The following CLVS1 variants were observed in gnomAD, a reference collection of about 807,000 sequenced individuals.
The protein encoded by CLVS1 is clavesin 1.
A neutral mutation model predicts 33.1 loss-of-function variants in CLVS1; 10 were observed. That is an observed-to-expected ratio of 0.30 (90% confidence interval 0.19 to 0.51). The LOEUF (loss-of-function observed/expected upper bound fraction) is 0.51, where lower values mean the gene tolerates loss of function less well. Ranked by LOEUF, CLVS1 falls within the 20% of genes least tolerant of loss-of-function variation. CLVS1 has a pLI of 0.97. For missense variants in CLVS1, 343 were observed against 433.4 expected, an observed-to-expected ratio of 0.79 and a Z score of 1.85; for synonymous variants, 163 against 166.1, an observed-to-expected ratio of 0.98 and a Z score of 0.14.
At chr8:61,202,008 T>TG (rs1807742946) in intron 2 of CLVS1, among the ~76,000 whole-genome samples, 1 of 152,184 alleles carries the variant, frequency 6.6e-6, no homozygotes, top group Non-Finnish European at 1.5e-5. Flanking sequence ...TTGACCCGAT[T>TG]GGCTAGCAAC....
At chr8:61,321,859 G>A (rs1486647) in intron 2 of CLVS1, among the ~76,000 whole-genome samples, 75,870 of 151,982 alleles carry the variant, frequency 0.5, 19,455 homozygotes, top group East Asian at 0.82. Flanking sequence ...CTCTGCTGTC[G>A]TATTCTCAGT....
chr8:61,408,388 C>T (rs574248684), intron 3 of CLVS1, among the ~76,000 whole-genome samples: 38 of 152,212 alleles, frequency 2.5e-4, no homozygotes, highest in African/African-American at 7.7e-4. Flanking sequence ...AAAAGAGATT[C>T]GATTGAAAAG....
At chr8:61,163,877 C>T (rs764348566) in intron 2 of CLVS1, among the ~76,000 whole-genome samples, 7 of 152,230 alleles carry the variant, frequency 4.6e-5, no homozygotes, top group Middle Eastern at 3.4e-3. Flanking sequence ...TCTGCCATGG[C>T]GGCAAACAGC....
chr8:61,215,682 ATG>A (rs72193127), intron 2 of CLVS1, among the ~76,000 whole-genome samples: 2,155 of 143,732 alleles, frequency 0.015, 22 homozygotes, highest in Middle Eastern at 0.029. Context: ...GAAATTGAAA[ATG>A]TGTGTGTGTG....
the CLVS1 span, among the ~76,000 whole-genome samples, chr8:61,047,334 T>C: frequency 6.6e-6 from 1 of 152,150 alleles, no homozygotes; most frequent in Non-Finnish European, 1.5e-5. Flanking sequence ...TGTGGAGAAA[T>C]AGGAACAATT....
chr8:60,987,742 T>C, the CLVS1 span, among the ~76,000 whole-genome samples: 7 of 152,056 alleles, frequency 4.6e-5, no homozygotes, highest in Admixed American at 1.3e-4. Flanking sequence ...ATCATTATCA[T>C]GATAAGCATG....
At chr8:61,284,925 G>A (rs1013126961), upstream of CLVS1, among the ~76,000 whole-genome samples, 28 of 152,250 alleles carry the variant, frequency 1.8e-4, no homozygotes, top group Middle Eastern at 3.4e-3. Context: ...CATTATGAAA[G>A]ATATAGAAGT....
chr8:61,046,670 A>G, the CLVS1 span, among the ~76,000 whole-genome samples: 1 of 152,086 alleles, frequency 6.6e-6, no homozygotes, highest in Admixed American at 6.5e-5. Context: ...TTCATTGAGC[A>G]GTGGTCTGCA....
chr8:61,402,884 G>A (rs1171453998), intron 3 of CLVS1, among the ~76,000 whole-genome samples: 3 of 152,246 alleles, frequency 2.0e-5, no homozygotes, highest in Non-Finnish European at 2.9e-5. Context: ...GATACATTGT[G>A]CATACATACA....
chr8:61,405,553 C>G (rs1814953288), intron 3 of CLVS1, among the ~76,000 whole-genome samples: 2 of 152,158 alleles, frequency 1.3e-5, no homozygotes, highest in Admixed American at 1.3e-4. Flanking sequence ...GCAGGAGGAT[C>G]ACTTGAGCTC....
the CLVS1 span, among the ~76,000 whole-genome samples, chr8:61,034,867 CAAACTATAAT>C: frequency 6.4e-3 from 980 of 152,274 alleles, 5 homozygotes; most frequent in African/African-American, 0.021. Context: ...TACATCAGAT[CAAACTATAAT>C]AAACAACTTT....
At chr8:61,129,497 G>C (rs905464217) in intron 1 of CLVS1, among the ~76,000 whole-genome samples, 15 of 152,118 alleles carry the variant, frequency 9.9e-5, no homozygotes, top group Non-Finnish European at 2.2e-4. Context: ...TAGTCCATTT[G>C]GGCTGCTATA....
intron 5 of CLVS1, among the ~76,000 whole-genome samples, chr8:61,497,440 A>G (rs1240449413): frequency 5.5e-5 from 2 of 36,612 alleles, no homozygotes; most frequent in African/African-American, 1.8e-4. Flanking sequence ...CCAGGTTTTT[A>G]TTGGGGGGGG....
chr8:61,069,101 G>C (rs1411135108), intron 1 of CLVS1, among the ~76,000 whole-genome samples: 1 of 152,138 alleles, frequency 6.6e-6, no homozygotes, highest in African/African-American at 2.4e-5. Context: ...CAAGTAGTTG[G>C]AATTATAGGT....
At chr8:61,417,622 T>C (rs1815491865) in intron 3 of CLVS1, among the ~76,000 whole-genome samples, 1 of 152,230 alleles carries the variant, frequency 6.6e-6, no homozygotes, top group Non-Finnish European at 1.5e-5. Context: ...TAATTTTTAC[T>C]GGCATAAAAT....
chr8:61,011,699 G>A, the CLVS1 span, among the ~76,000 whole-genome samples: 3 of 152,120 alleles, frequency 2.0e-5, no homozygotes, highest in Non-Finnish European at 4.4e-5. Context: ...CACCCACCTC[G>A]GAGTCCCAAA....
chr8:60,974,193 G>GT, the CLVS1 span, among the ~76,000 whole-genome samples: 3 of 152,054 alleles, frequency 2.0e-5, no homozygotes, highest in Middle Eastern at 6.3e-3. Context: ...TTTTCAAATA[G>GT]TTTTTTTTAA....
rs1804731392 is a variant in CLVS1 at position 61,500,789 on chromosome 8, T to A, written c.*1247T>A. ...TGGTGCTCAAAGTCAAACAAAAATA[T>A]TTTAGTTAATAATGGGCAGTAAAAT... On this transcript the variant is annotated 3_prime_UTR_variant, in exon 6 of 6. Transcript: ENST00000325897. 6.6e-6 allele frequency: 1 copy of A among 152,204 alleles called. No individual in the cohort carries two copies. Among genetic ancestry groups the A allele is most frequent in the African/African-American group, 2.4e-5 (1 of 41,450 alleles). The allele number at this position is 152,204 out of a possible 1,614,324, so 9.4% of individuals were successfully genotyped here.
chr8:61,068,227 G>GTATATATA lies in CLVS1; in HGVS notation c.-243+10998_-243+10999insATATATAT, dbSNP rs761732435. On this transcript the variant is annotated intron_variant, in intron 1 of 2. Coordinates refer to the CLVS1 transcript ENST00000522621. ...TATATATATATATATATGTATGTAT[G>GTATATATA]TGTATATATATATATATATATGTAT... is the stretch of plus-strand genomic sequence containing the variant. 8.9e-3 allele frequency among the ~76,000 whole-genome samples: 788 copies of GTATATATA among 88,224 alleles called. 22 individuals carry two copies. The highest frequency in any genetic ancestry group is 0.029 in the African/African-American group (729 of 25,046). The allele number at this position is 88,224 out of a possible 152,430, so 57.9% of individuals were successfully genotyped here. A position where few individuals can be genotyped will look rare whatever the true frequency, so the allele number is the denominator to read the frequency against.
Sources: allele counts gnomAD v4.1 joint callset (sites outside exome capture counted in the v4.1 genomes callset), GRCh38; gene constraint gnomAD v4.1.1; transcripts MANE v1.5; gene names NCBI Gene and HGNC (gene_info 2026-07-23, HGNC 2026-07-21).